Variants in DLGAP2 observed in about 807,000 individuals in gnomAD.
The protein encoded by DLGAP2 is DLG associated protein 2, also known as disks large-associated protein 2.
DLGAP2 carries 26 observed loss-of-function variants against 100.3 expected under a neutral mutation model. The observed-to-expected ratio is 0.26, with a 90% CI of 0.19 to 0.36. DLGAP2 has a LOEUF of 0.36. Ranked by LOEUF, DLGAP2 falls within the 10% of genes least tolerant of loss-of-function variation. The pLI is 1.00. For missense variants in DLGAP2, 1,858 were observed against 1,453.2 expected (o/e 1.28, Z -4.53); for synonymous variants, 886 against 630.1 (o/e 1.41, Z -6.08).
intron 8 of DLGAP2, among the ~76,000 whole-genome samples, chr8:1,665,077 AAC>A (rs1798509873): frequency 6.6e-6 from 1 of 152,184 alleles, no homozygotes; most frequent in Admixed American, 6.5e-5. Flanking sequence ...GCCTGTAGCA[AAC>A]ACATTATAAA....
intron 1 of DLGAP2, among the ~76,000 whole-genome samples, chr8:831,555 T>C (rs756557673): frequency 1.3e-4 from 20 of 152,214 alleles, no homozygotes; most frequent in Non-Finnish European, 2.6e-4. Context: ...TCATCCTTTT[T>C]AATGGCTGCA....
At chr8:987,814 C>A (rs949830342) in intron 2 of DLGAP2, among the ~76,000 whole-genome samples, 1 of 152,184 alleles carries the variant, frequency 6.6e-6, no homozygotes, top group East Asian at 1.9e-4. Context: ...CTGGCTTCTT[C>A]CCCAGTTTCC....
rs544939724 is a variant in DLGAP2 at position 1,531,363 on chromosome 8, G to A, written c.173-17263G>A. 3.3e-5 allele frequency among the ~76,000 whole-genome samples: 5 copies of A among 151,976 alleles called. No individual in the cohort carries two copies. In the East Asian group the frequency reaches 7.7e-4, roughly 24 times the overall value. The stretch of plus-strand genomic sequence containing the variant: ...TGTATTCTCCTAGAATAAGTTTCCA[G>A]GTCAAATTACTTGCTAAAAGGACCT... On this transcript the variant is annotated intron_variant, in intron 4 of 14. Transcript: ENST00000637795.
intron 2 of DLGAP2, among the ~76,000 whole-genome samples, chr8:1,110,714 CTTTTTT>C (rs10573688): frequency 7.8e-6 from 1 of 127,888 alleles, no homozygotes; most frequent in Non-Finnish European, 1.7e-5. Context: ...GATTTATAGC[CTTTTTT>C]TTTTTTTTTT....
chr8:1,564,506 G>A (rs1308620657), intron 5 of DLGAP2, among the ~76,000 whole-genome samples: 2 of 152,164 alleles, frequency 1.3e-5, no homozygotes, highest in Admixed American at 6.5e-5. Flanking sequence ...AGCACAGGGG[G>A]GTTATATGTA....
chr8:1,202,324 G>A (rs1220740281), intron 2 of DLGAP2, among the ~76,000 whole-genome samples: 1 of 151,080 alleles, frequency 6.6e-6, no homozygotes, highest in Non-Finnish European at 1.5e-5. Context: ...ATGTACTGGG[G>A]GTGAGGCCTG....
chr8:1,644,978 C>T lies in DLGAP2; in HGVS notation c.1810+11932C>T, dbSNP rs370395905. ...AAATTACTTGCTGGGCACAGTGGCTCACGCCTGTAGTGCCAGCACTTTGGA... is the reference window on the plus strand; with the variant it reads ...AAATTACTTGCTGGGCACAGTGGCTTACGCCTGTAGTGCCAGCACTTTGGA... On this transcript the variant is annotated intron_variant, in intron 8 of 14. Transcript: ENST00000637795. Among the ~76,000 whole-genome samples the T allele has an allele frequency of 1.2e-3, 190 of 152,312 alleles. 1 individual carries two copies. The highest frequency in any genetic ancestry group is 4.4e-3 in the African/African-American group (181 of 41,580).
chr8:1,610,687 T>TA (rs1288638895), intron 6 of DLGAP2, among the ~76,000 whole-genome samples: 1 of 133,024 alleles, frequency 7.5e-6, no homozygotes, highest in Non-Finnish European at 1.6e-5. Context: ...ATAGACACAA[T>TA]AAAAAATGAT....
At chr8:1,324,340 T>C (rs1800972874) in intron 3 of DLGAP2, among the ~76,000 whole-genome samples, 1 of 152,254 alleles carries the variant, frequency 6.6e-6, no homozygotes, top group African/African-American at 2.4e-5. Context: ...TCTTCTGTAC[T>C]GACTCAACTT....
chr8:1,506,676 TG>T (rs1799932342), intron 4 of DLGAP2, among the ~76,000 whole-genome samples: 1 of 152,218 alleles, frequency 6.6e-6, no homozygotes, highest in Non-Finnish European at 1.5e-5. Flanking sequence ...TCCTGCTGAT[TG>T]GTCCATTTTA....
At chr8:1,564,023 T>C (rs117861843) in intron 5 of DLGAP2, among the ~76,000 whole-genome samples, 4,990 of 152,324 alleles carry the variant, frequency 0.033, 112 homozygotes, top group Non-Finnish European at 0.052. Context: ...GAGATTCTCT[T>C]CTCCTACATG....
chr8:1,044,092 G>A (rs1261384018), intron 2 of DLGAP2, among the ~76,000 whole-genome samples: 2 of 152,146 alleles, frequency 1.3e-5, no homozygotes, highest in Non-Finnish European at 2.9e-5. Context: ...TCCCACTCCT[G>A]CTGGATGTGA....
intron 2 of DLGAP2, among the ~76,000 whole-genome samples, chr8:1,217,514 G>C (rs911435112): frequency 6.6e-6 from 1 of 152,188 alleles, no homozygotes; most frequent in African/African-American, 2.4e-5. Flanking sequence ...TCTAGTTTTA[G>C]TTCTTTGAGA....
chr8:804,999 A>C (rs1233811735), intron 1 of DLGAP2, among the ~76,000 whole-genome samples: 1 of 152,078 alleles, frequency 6.6e-6, no homozygotes, highest in Non-Finnish European at 1.5e-5. Context: ...TTGGATTCCC[A>C]GGCTCAAGTG....
At chr8:1,487,867 T>C (rs994049544) in intron 3 of DLGAP2, among the ~76,000 whole-genome samples, 4 of 152,168 alleles carry the variant, frequency 2.6e-5, no homozygotes, top group African/African-American at 9.7e-5. Context: ...CCTTTACCCG[T>C]AACTGGGAGG....
At chr8:1,161,191 T>A (rs1357497598) in intron 2 of DLGAP2, among the ~76,000 whole-genome samples, 1 of 152,158 alleles carries the variant, frequency 6.6e-6, no homozygotes, top group Non-Finnish European at 1.5e-5. Flanking sequence ...CACATCGATG[T>A]ATCCTACTAT....
At chr8:1,313,273 T>C (rs2117018939) in intron 3 of DLGAP2, among the ~76,000 whole-genome samples, 1 of 152,362 alleles carries the variant, frequency 6.6e-6, no homozygotes, top group Admixed American at 6.5e-5. Context: ...TTGTTCAGCA[T>C]GCGTTGCATT....
intron 1 of DLGAP2, among the ~76,000 whole-genome samples, chr8:848,788 G>A (rs1446941083): frequency 6.8e-6 from 1 of 147,700 alleles, no homozygotes; most frequent in Non-Finnish European, 1.5e-5. Flanking sequence ...AGGGTCGTGC[G>A]GTGCGTGTTC....
At chr8:1,392,427 G>T (rs1024461666) in intron 3 of DLGAP2, among the ~76,000 whole-genome samples, 2 of 152,214 alleles carry the variant, frequency 1.3e-5, no homozygotes, top group Non-Finnish European at 2.9e-5. Flanking sequence ...CCGTCGGCCT[G>T]ACTTGCTAAT....
Sources: allele counts gnomAD v4.1 joint callset (sites outside exome capture counted in the v4.1 genomes callset), GRCh38; gene constraint gnomAD v4.1.1; transcripts MANE v1.5; gene names NCBI Gene and HGNC (gene_info 2026-07-23, HGNC 2026-07-21).